The following FUT9 variants were observed in gnomAD, a reference collection of about 807,000 sequenced individuals.
The protein encoded by FUT9 is fucosyltransferase 9.
FUT9 carries 15 observed loss-of-function variants against 29.7 expected under a neutral mutation model. That is an observed-to-expected ratio of 0.51 (90% CI 0.34 to 0.78). The LOEUF is 0.78. Among genes scored for constraint, FUT9 ranks in the 30% least tolerant of loss-of-function variants. The pLI is 0.01. For missense variants in FUT9, 319 were observed against 425.4 expected (o/e 0.75, Z 2.20); for synonymous variants, 169 against 153.7 (o/e 1.10, Z -0.74).
intron 1 of FUT9, among the ~76,000 whole-genome samples, chr6:96,021,855 G>C (rs1748100633): frequency 6.7e-6 from 1 of 149,448 alleles, no homozygotes; most frequent in Non-Finnish European, 1.5e-5. Context: ...GCTCCAAACA[G>C]CTTCTGAAGG....
intron 2 of FUT9, among the ~76,000 whole-genome samples, chr6:96,190,492 T>G (rs1449640257): frequency 6.6e-6 from 1 of 152,222 alleles, no homozygotes; most frequent in Non-Finnish European, 1.5e-5. Context: ...GATAATACCC[T>G]GCAGATTGTT....
chr6:96,029,732 TAGGGATGATCC>T (rs1770228815), intron 1 of FUT9, among the ~76,000 whole-genome samples: 1 of 151,536 alleles, frequency 6.6e-6, no homozygotes, highest in South Asian at 2.1e-4. Flanking sequence ...AAACCAGACT[TAGGGATGATCC>T]AGGAGTTGAA....
chr6:96,148,109 G>A (rs1180419869), intron 2 of FUT9, among the ~76,000 whole-genome samples: 1 of 151,974 alleles, frequency 6.6e-6, no homozygotes, highest in Non-Finnish European at 1.5e-5. Flanking sequence ...CCTTAAAAAC[G>A]CTTTCTAACA....
chr6:96,063,311 G>T (rs1770907765), intron 1 of FUT9, among the ~76,000 whole-genome samples: 1 of 152,102 alleles, frequency 6.6e-6, no homozygotes, highest in Non-Finnish European at 1.5e-5. Context: ...GAAGTATGGT[G>T]CCAACATCTG....
At chr6:96,160,584 A>T (rs939300478) in intron 2 of FUT9, among the ~76,000 whole-genome samples, 1 of 152,174 alleles carries the variant, frequency 6.6e-6, no homozygotes, top group Non-Finnish European at 1.5e-5. Context: ...TAATGATAAA[A>T]ACTTATCCAA....
chr6:96,175,721 T>C (rs573606020), intron 2 of FUT9, among the ~76,000 whole-genome samples: 1 of 152,324 alleles, frequency 6.6e-6, no homozygotes, highest in East Asian at 1.9e-4. Flanking sequence ...AAACCAGCGA[T>C]TGCAAACTTT....
intron 2 of FUT9, among the ~76,000 whole-genome samples, chr6:96,189,808 G>C (rs1773472753): frequency 6.6e-6 from 1 of 152,126 alleles, no homozygotes; most frequent in South Asian, 2.1e-4. Flanking sequence ...GTCTCTGCAA[G>C]TGAGATGGGG....
At position 96,159,958 on chromosome 6, in the gene FUT9, T is replaced by C. The variant is rs966815651; in HGVS notation, c.-8-43190T>C. On this transcript the variant is annotated intron_variant, in intron 2 of 2. Transcript: ENST00000302103. ...TTATATTCATTGATTATACCTTGAA[T>C]ATAATTTTTCATTAGCTTAAATTTA... Among the ~76,000 whole-genome samples the C allele has an allele frequency of 3.7e-4, 57 of 152,314 alleles. 1 individual carries two copies. The highest frequency in any genetic ancestry group is 6.8e-3 in the Middle Eastern group (2 of 294).
At chr6:96,051,512 G>C (rs1159602077) in intron 1 of FUT9, among the ~76,000 whole-genome samples, 1 of 151,900 alleles carries the variant, frequency 6.6e-6, no homozygotes, top group Non-Finnish European at 1.5e-5. Context: ...AATTTGCTGG[G>C]CATGGTGGTG....
chr6:96,173,081 GT>G (rs1258626090), intron 2 of FUT9, among the ~76,000 whole-genome samples: 2 of 152,076 alleles, frequency 1.3e-5, no homozygotes, highest in African/African-American at 4.8e-5. Context: ...TAGTACATGA[GT>G]AATTACACAG....
chr6:96,150,961 T>C (rs1383786130), intron 2 of FUT9, among the ~76,000 whole-genome samples: 2 of 152,214 alleles, frequency 1.3e-5, no homozygotes, highest in Non-Finnish European at 2.9e-5. Context: ...ATTTGAGCTG[T>C]ATCACTGATA....
intron 1 of FUT9, among the ~76,000 whole-genome samples, chr6:96,061,672 C>G (rs1051862237): frequency 1.3e-5 from 2 of 152,146 alleles, no homozygotes; most frequent in African/African-American, 4.8e-5. Flanking sequence ...CTCTTAGACT[C>G]ATGTAGCTGC....
chr6:96,054,286 T>C (rs535998423), intron 1 of FUT9, among the ~76,000 whole-genome samples: 14 of 152,314 alleles, frequency 9.2e-5, no homozygotes, highest in African/African-American at 3.4e-4. Context: ...GAGATAGATA[T>C]AGGTTGGTCC....
intron 1 of FUT9, among the ~76,000 whole-genome samples, chr6:96,070,031 T>G (rs1383178490): frequency 6.6e-6 from 1 of 152,216 alleles, no homozygotes; most frequent in Non-Finnish European, 1.5e-5. Context: ...GAATAAATTA[T>G]AAATTATTCA....
At chr6:96,088,764 C>T (rs1040023932) in intron 1 of FUT9, among the ~76,000 whole-genome samples, 2 of 135,554 alleles carry the variant, frequency 1.5e-5, no homozygotes, top group African/African-American at 5.8e-5. Context: ...TTGCTACCTT[C>T]TTGTAGTCTA....
At chr6:96,136,348 G>A (rs943599883) in intron 2 of FUT9, among the ~76,000 whole-genome samples, 42 of 151,814 alleles carry the variant, frequency 2.8e-4, no homozygotes, top group African/African-American at 1.0e-3. Flanking sequence ...TAGATTCAAT[G>A]AGAAATATCT....
intron 1 of FUT9, among the ~76,000 whole-genome samples, chr6:96,093,380 T>C (rs1771443214): frequency 6.6e-6 from 1 of 152,040 alleles, no homozygotes; most frequent in Non-Finnish European, 1.5e-5. Context: ...ATCTTTTCCC[T>C]GTGACTAATG....
At position 96,214,568 on chromosome 6, in the gene FUT9, T is replaced by A. The variant is rs1440127697; in HGVS notation, c.*10333T>A. On this transcript the variant is annotated 3_prime_UTR_variant, in exon 3 of 3. Coordinates refer to ENST00000302103, the MANE Select transcript of FUT9 (RefSeq NM_006581.4). ...TTGAAAATAACAAAAATTATTCCAT[T>A]TAATGAAGGGTTTGTTTTGTTTAGC... is the stretch of plus-strand genomic sequence containing the variant. 1 of 166,846 alleles carries A rather than the reference T, an allele frequency of 6.0e-6. No homozygotes were observed. Among genetic ancestry groups the A allele is most frequent in the Non-Finnish European group, 1.5e-5 (1 of 68,050 alleles). The allele number at this position is 166,846 out of a possible 1,614,324, so 10.3% of individuals were successfully genotyped here. A position where few individuals can be genotyped will look rare whatever the true frequency, so the allele number is the denominator to read the frequency against.
In FUT9 at chr6:96,203,307, A is replaced by G. The variant is rs1773762572; in HGVS notation, c.152A>G (p.Lys51Arg). 4 of 1,614,004 alleles carry G rather than the reference A, an allele frequency of 2.5e-6. No homozygotes were observed. The East Asian group carries it at 8.9e-5, about 36-fold the overall frequency. The change falls in exon 3 of 3, where the codon AAA (lysine) becomes AGA (arginine). Residue 51 changes from lysine to arginine, a missense_variant. Coordinates refer to ENST00000302103, the MANE Select transcript of FUT9 (RefSeq NM_006581.4). ...TCAGCCAGCTCTGTGCTGAAAATGA[A>G]AAACTTCTTTTCCACCAAAACTGAT... is the stretch of plus-strand genomic sequence containing the variant. ...MESASSVLKMKNFFSTKTDYF... is the reference protein window; with the variant it reads ...MESASSVLKMRNFFSTKTDYF...
Sources: allele counts gnomAD v4.1 joint callset (sites outside exome capture counted in the v4.1 genomes callset), GRCh38; gene constraint gnomAD v4.1.1; transcripts MANE v1.5; gene names NCBI Gene and HGNC (gene_info 2026-07-23, HGNC 2026-07-21).